OR8H1: variants seen among roughly 807,000 people sequenced by gnomAD.
OR8H1 encodes the protein olfactory receptor family 8 subfamily H member 1.
For synonymous variants in OR8H1, 135 were observed against 134.5 expected (o/e 1.00, Z -0.03); for missense variants, 388 against 374.1 (o/e 1.04, Z -0.31).
Position 56,290,941 on chromosome 11 carries a change from C to T in OR8H1, c.122G>A (p.Gly41Asp), listed in dbSNP as rs1362627477. The part of the protein sequence containing the change: ...FLLIYLITML[G>D]NVGMILIIRL... The stretch of plus-strand genomic sequence containing the variant: ...GATTATCAATATCATCCCCACATTG[C>T]CCAGCATAGTAATTAGGTATATCAG... The change falls in exon 2 of 2, where the codon GGC (glycine) becomes GAC (aspartate). Residue 41 changes from glycine to aspartate, a missense_variant. Coordinates refer to ENST00000641600, the MANE Select transcript of OR8H1 (RefSeq NM_001005199.2). 3.7e-6 allele frequency: 6 copies of T among 1,614,092 alleles called. No homozygotes were observed. Among genetic ancestry groups the T allele is most frequent in the African/African-American group, 1.3e-5 (1 of 75,002 alleles).
chr11:56,290,522 A>G lies in OR8H1; in HGVS notation c.541T>C (p.Ser181Pro), dbSNP rs938515755. ...ATGCAGGACAGAGCTAAAATTGGAG[A>G]CGTGTCGCAGAAAAAGTGACGAACT... ...NVVRHFFCDT[S>P]PILALSCMDT... is the part of the protein sequence containing the mutation. The change falls in exon 2 of 2, where the codon TCT becomes CCT. Residue 181 changes from serine (S) to proline (P), a missense_variant. Transcript: ENST00000641600. 10 of 1,614,048 alleles carry G rather than the reference A, an allele frequency of 6.2e-6. No individual in the cohort carries two copies. In the African/African-American group the frequency reaches 1.3e-4, roughly 22 times the overall value.
chr11:56,290,216 TG>T lies in OR8H1; in HGVS notation c.846del (p.Met283CysfsTer2), dbSNP rs750863566. 369 of 1,612,694 alleles carry T rather than the reference TG, an allele frequency of 2.3e-4. No individual in the cohort carries two copies. Among genetic ancestry groups the T allele is most frequent in the Non-Finnish European group, 2.8e-4 (333 of 1,179,540 alleles). ...VASVFYTIVI[P>X]MLNPLIYSLR... ...AGACTATAAATGAGTGGATTCAGCATGGGAATCACAATAGTATAAAAAACAG... is the reference window on the plus strand; with the variant it reads ...AGACTATAAATGAGTGGATTCAGCATGGAATCACAATAGTATAAAAAACAG... On this transcript the variant is annotated frameshift_variant, in exon 2 of 2. Coordinates refer to ENST00000641600, the MANE Select transcript of OR8H1 (RefSeq NM_001005199.2). LOFTEE classifies it low-confidence loss of function (END_TRUNC).
chr11:56,291,190 A>C (rs1854148637), intron 1 of OR8H1, 106 bp from the exon 2 acceptor site: 1 of 673,290 alleles, frequency 1.5e-6, no homozygotes, highest in Non-Finnish European at 2.4e-6. Context: ...TTGCTAATAC[A>C]TTTATAGAAT....
rs879193865 is a variant in OR8H1 at position 56,289,908 on chromosome 11, C to A, written c.*219G>T. ...GTGCTGGGATTATAGGCATGAGCCACCGTGCCCGGCCAACACATATTATGA... is the reference window on the plus strand; with the variant it reads ...GTGCTGGGATTATAGGCATGAGCCAACGTGCCCGGCCAACACATATTATGA... On this transcript the variant is annotated 3_prime_UTR_variant, in exon 2 of 2. Transcript: ENST00000641600. 1.7e-6 allele frequency: 1 copy of A among 576,036 alleles called. No homozygotes were observed. Among genetic ancestry groups the A allele is most frequent in the East Asian group, 3.1e-5 (1 of 32,676 alleles). 35.7% of individuals were successfully genotyped at this position (576,036 alleles called of 1,614,324 possible).
chr11:56,291,839 G>A (rs1035270125), intron 1 of OR8H1, 112 bp downstream of exon 1: 2 of 151,770 alleles, frequency 1.3e-5, no homozygotes, highest in Non-Finnish European at 2.9e-5. Flanking sequence ...TCACAAACCC[G>A]GACATTACTC....
chr11:56,291,051 T>C lies in OR8H1; in HGVS notation c.12A>G (p.Arg4=). MGR[R]NNTNVPDFIL... is the part of the protein sequence containing the mutation. ...TGAAGTCAGGCACATTTGTGTTATT[T>C]CTTCTACCCATGATGTTCAATTGCT... The change falls in exon 2 of 2, where the codon AGA becomes AGG. Residue 4 remains arginine (R), a synonymous_variant. Coordinates refer to ENST00000641600, the MANE Select transcript of OR8H1 (RefSeq NM_001005199.2). 1 of 1,590,214 alleles carries C rather than the reference T, an allele frequency of 6.3e-7. No homozygotes were observed. Among genetic ancestry groups the C allele is most frequent in the Non-Finnish European group, 8.5e-7 (1 of 1,169,866 alleles).
rs1055568319 is a variant in OR8H1, at chr11:56,288,825, G to A, written c.*1302C>T. The A allele has an allele frequency of 3.3e-5, 5 of 151,908 alleles. No individual in the cohort carries two copies. Among genetic ancestry groups the A allele is most frequent in the African/African-American group, 1.2e-4 (5 of 41,378 alleles). 9.4% of individuals were successfully genotyped at this position (151,908 alleles called of 1,614,324 possible). A position where few individuals can be genotyped will look rare whatever the true frequency, so the allele number is the denominator to read the frequency against. On this transcript the variant is annotated 3_prime_UTR_variant, in exon 2 of 2. Transcript: ENST00000641600. ...ATCTCGAAGAACATGCACAAAACTC[G>A]ATATTTGTTTTTCTTAAACTGAAAA...
Position 56,290,774 on chromosome 11 carries a change from A to G in OR8H1, c.289T>C (p.Phe97Leu), listed in dbSNP as rs1854139435. The G allele has an allele frequency of 3.1e-6, 5 of 1,614,212 alleles. No individual in the cohort carries two copies. The highest frequency in any genetic ancestry group is 4.2e-6 in the Non-Finnish European group (5 of 1,180,036). ...TSNYISFMGC[F>L]AQMFFFVFLG... is the part of the protein sequence containing the mutation. ...AAGACAAAAAAGAACATCTGGGCAA[A>G]GCAGCCCATGAAGGAAATATAGTTG... Residue 97 changes from phenylalanine to leucine, a missense_variant, in exon 2 of 2, where the codon TTT becomes CTT. By Grantham distance (22) the Phe-to-Leu change is conservative. Transcript: ENST00000641600.
Position 56,290,618 on chromosome 11 carries a change from C to T in OR8H1, c.445G>A (p.Val149Met), listed in dbSNP as rs1565100386. Residue 149 changes from valine (V) to methionine (M), a missense_variant, in exon 2 of 2, where the codon GTG (valine) becomes ATG (methionine). Transcript: ENST00000641600. ...LCCALVTGPY[V>M]ISFINSFVNV... ...ACAAAGGAGTTGATAAAGCTAATCA[C>T]ATAGGGCCCAGTGACAAGAGCGCAA... The T allele has an allele frequency of 6.2e-7, 1 of 1,614,196 alleles. No homozygotes were observed. Among genetic ancestry groups the T allele is most frequent in the Admixed American group, 1.7e-5 (1 of 60,012 alleles).
In OR8H1 at chr11:56,290,649, C is replaced by A. The variant is rs747461971; in HGVS notation, c.414G>T (p.Arg138Ser). ...GCCCAGTGACAAGAGCGCAACACAG[C>A]CTTTTGGACATAATAACTGGGTAAC... is the stretch of plus-strand genomic sequence containing the variant. ...PLRYPVIMSK[R>S]LCCALVTGPY... Residue 138 changes from arginine to serine, a missense_variant, in exon 2 of 2, where the codon AGG becomes AGT. Transcript: ENST00000641600. 5 of 1,613,952 alleles carry A rather than the reference C, an allele frequency of 3.1e-6. No individual in the cohort carries two copies. Among genetic ancestry groups the A allele is most frequent in the African/African-American group, 1.3e-5 (1 of 75,014 alleles).
Position 56,290,957 on chromosome 11 carries a change from G to T in OR8H1, c.106C>A (p.Leu36Ile). 1 of 1,614,090 alleles carries T rather than the reference G, an allele frequency of 6.2e-7. No homozygotes were observed. Among genetic ancestry groups the T allele is most frequent in the Non-Finnish European group, 8.5e-7 (1 of 1,179,994 alleles). The change falls in exon 2 of 2, where the codon CTA (leucine) becomes ATA (isoleucine). Residue 36 changes from leucine (L) to isoleucine (I), a missense_variant. By Grantham distance (5) the Leu-to-Ile change is conservative. Coordinates refer to ENST00000641600, the MANE Select transcript of OR8H1 (RefSeq NM_001005199.2). ...CCCACATTGCCCAGCATAGTAATTA[G>T]GTATATCAGGAGAAATAGTATAAAG... ...ALFILFLLIY[L>I]ITMLGNVGMI... is the part of the protein sequence containing the mutation.
chr11:56,290,916 G>T lies in OR8H1; in HGVS notation c.147C>A (p.Ile49=). 6.2e-7 allele frequency: 1 copy of T among 1,614,164 alleles called. No individual in the cohort carries two copies. The highest frequency in any genetic ancestry group is 8.5e-7 in the Non-Finnish European group (1 of 1,180,024). Residue 49 remains isoleucine, a synonymous_variant, in exon 2 of 2, where the codon ATC becomes ATA. Transcript: ENST00000641600. ...GAGTGTGAAGCTGGAGGTCCAGGCG[G>T]ATTATCAATATCATCCCCACATTGC... ...MLGNVGMILI[I]RLDLQLHTPM...
Position 56,289,377 on chromosome 11 carries a change from A to G in OR8H1, c.*750T>C, listed in dbSNP as rs1167677589. ...AACTTTATTTCAAAACAGTACTCCTAAAGACTCTGTTATAATTCTTCCCCA... is the reference window on the plus strand; with the variant it reads ...AACTTTATTTCAAAACAGTACTCCTGAAGACTCTGTTATAATTCTTCCCCA... On this transcript the variant is annotated 3_prime_UTR_variant, in exon 2 of 2. Coordinates refer to ENST00000641600, the MANE Select transcript of OR8H1 (RefSeq NM_001005199.2). 3 of 152,206 alleles carry G rather than the reference A, an allele frequency of 2.0e-5. No homozygotes were observed. The highest frequency in any genetic ancestry group is 7.2e-5 in the African/African-American group (3 of 41,442). The allele number at this position is 152,206 out of a possible 1,614,324, so 9.4% of individuals were successfully genotyped here.
Position 56,290,494 on chromosome 11 carries a change from T to A in OR8H1, c.569A>T (p.Asp190Val). The change falls in exon 2 of 2, where the codon GAC becomes GTC. Residue 190 changes from aspartate to valine, a missense_variant. Physicochemically the swap from Asp to Val is radical, Grantham distance 152. Coordinates refer to ENST00000641600, the MANE Select transcript of OR8H1 (RefSeq NM_001005199.2). ...TSPILALSCM[D>V]TYDIEIMIHI... ...TATCATGATTTCAATGTCGTATGTG[T>A]CCATGCAGGACAGAGCTAAAATTGG... The A allele has an allele frequency of 6.2e-7, 1 of 1,614,168 alleles. No individual in the cohort carries two copies. Among genetic ancestry groups the A allele is most frequent in the Non-Finnish European group, 8.5e-7 (1 of 1,180,018 alleles).
chr11:56,290,115 C>T lies in OR8H1; in HGVS notation c.*12G>A, dbSNP rs781561417. ...AGATGAGTTTAAATGTTCAGCATTC[C>T]TGCTATTTTAATTACCTGGAGTCCT... On this transcript the variant is annotated 3_prime_UTR_variant, in exon 2 of 2. Transcript: ENST00000641600. 9.5e-6 allele frequency: 15 copies of T among 1,576,994 alleles called. No individual in the cohort carries two copies. The highest frequency in any genetic ancestry group is 1.3e-5 in the Non-Finnish European group (15 of 1,146,856).
chr11:56,290,917 A>T lies in OR8H1; in HGVS notation c.146T>A (p.Ile49Asn), dbSNP rs753468820. The T allele has an allele frequency of 6.2e-7, 1 of 1,614,204 alleles. No individual in the cohort carries two copies. Among genetic ancestry groups the T allele is most frequent in the Admixed American group, 1.7e-5 (1 of 60,024 alleles). The part of the protein sequence containing the change: ...MLGNVGMILI[I>N]RLDLQLHTPM... ...AGTGTGAAGCTGGAGGTCCAGGCGG[A>T]TTATCAATATCATCCCCACATTGCC... is the stretch of plus-strand genomic sequence containing the variant. The change falls in exon 2 of 2, where the codon ATC becomes AAC. Residue 49 changes from isoleucine (I) to asparagine (N), a missense_variant. Transcript: ENST00000641600.
In OR8H1 at chr11:56,290,961, T is replaced by C; in HGVS notation, c.102A>G (p.Ile34Met). 6.2e-7 allele frequency: 1 copy of C among 1,614,154 alleles called. No homozygotes were observed. Among genetic ancestry groups the C allele is most frequent in the Non-Finnish European group, 8.5e-7 (1 of 1,180,018 alleles). Reference sequence around the variant, plus strand: ...CATTGCCCAGCATAGTAATTAGGTATATCAGGAGAAATAGTATAAAGAGGG... The same window carrying C: ...CATTGCCCAGCATAGTAATTAGGTACATCAGGAGAAATAGTATAAAGAGGG... Reference protein sequence around the residue: ...QMALFILFLLIYLITMLGNVG... With the variant: ...QMALFILFLLMYLITMLGNVG... Residue 34 changes from isoleucine (I) to methionine (M), a missense_variant, in exon 2 of 2, where the codon ATA becomes ATG. Transcript: ENST00000641600.
rs538532668 is a variant in OR8H1 at position 56,289,872 on chromosome 11, G to A, written c.*255C>T. On this transcript the variant is annotated 3_prime_UTR_variant, in exon 2 of 2. Coordinates refer to ENST00000641600, the MANE Select transcript of OR8H1 (RefSeq NM_001005199.2). ...TGACCTCATGTGATCCACCCACCTC[G>A]GCCTCCCAGAGTGCTGGGATTATAG... is the stretch of plus-strand genomic sequence containing the variant. 4.1e-6 allele frequency: 2 copies of A among 486,476 alleles called. No homozygotes were observed. The highest frequency in any genetic ancestry group is 3.4e-5 in the Admixed American group (1 of 29,494). The allele number at this position is 486,476 out of a possible 1,614,324, so 30.1% of individuals were successfully genotyped here.
Position 56,290,400 on chromosome 11 carries a change from G to A in OR8H1, c.663C>T (p.Leu221=). 1 of 1,614,242 alleles carries A rather than the reference G, an allele frequency of 6.2e-7. No homozygotes were observed. The highest frequency in any genetic ancestry group is 2.2e-5 in the East Asian group (1 of 44,878). The change falls in exon 2 of 2, where the codon CTC becomes CTT. Residue 221 remains leucine, a synonymous_variant. Coordinates refer to ENST00000641600, the MANE Select transcript of OR8H1 (RefSeq NM_001005199.2). ...ITISASYVSI[L]STILKINSTS... is the part of the protein sequence containing the mutation. ...TGGAATTAATTTTCAGGATGGTAGA[G>A]AGAATGGACACATAGGATGCAGATA... is the stretch of plus-strand genomic sequence containing the variant.
Sources: allele counts gnomAD v4.1 joint callset, GRCh38; gene constraint gnomAD v4.1.1; transcripts MANE v1.5; gene names NCBI Gene and HGNC (gene_info 2026-07-23, HGNC 2026-07-21).